The following SLC9A9 variants were observed in gnomAD, a reference collection of about 807,000 sequenced individuals.
SLC9A9 encodes solute carrier family 9 member A9, also known as sodium/hydrogen exchanger 9.
In SLC9A9, 62 loss-of-function variants were observed where a neutral mutation model predicts 77.8. The ratio of observed to expected loss-of-function variants is 0.80; its 90% CI spans 0.65 to 0.98. The LOEUF (loss-of-function observed/expected upper bound fraction) is 0.98. Among genes scored for constraint, SLC9A9 ranks in the 50% least tolerant of loss-of-function variants. The pLI is 0.00. For missense variants in SLC9A9, 775 were observed against 774.9 expected (o/e 1.00, Z 0.00); for synonymous variants, 320 against 283.5 (o/e 1.13, Z -1.29).
At chr3:143,417,924 A>G (rs192100056) in intron 12 of SLC9A9, among the ~76,000 whole-genome samples, 27 of 152,058 alleles carry the variant, frequency 1.8e-4, no homozygotes, top group Admixed American at 4.6e-4. Flanking sequence ...TCCAGTTCAA[A>G]GAGCCTCATT....
intron 12 of SLC9A9, among the ~76,000 whole-genome samples, chr3:143,407,516 C>T (rs137994191): frequency 3.3e-5 from 5 of 152,240 alleles, no homozygotes; most frequent in East Asian, 3.9e-4. Context: ...TAATATCCCA[C>T]GTTTTTAAAA....
chr3:143,298,478 G>A (rs2030376675), intron 14 of SLC9A9, among the ~76,000 whole-genome samples: 1 of 152,204 alleles, frequency 6.6e-6, no homozygotes, highest in African/African-American at 2.4e-5. Context: ...TCCCAAGTCT[G>A]AGGTGTGGCA....
At chr3:143,716,528 G>T (rs1934357728) in intron 4 of SLC9A9, among the ~76,000 whole-genome samples, 1 of 152,118 alleles carries the variant, frequency 6.6e-6, no homozygotes, top group South Asian at 2.1e-4. Context: ...GCCAACATTG[G>T]TCAGGGAGAT....
chr3:143,519,784 A>AT (rs1287799577), intron 9 of SLC9A9, among the ~76,000 whole-genome samples: 4 of 152,132 alleles, frequency 2.6e-5, no homozygotes, highest in African/African-American at 9.7e-5. Context: ...AGGTGAGAGG[A>AT]TTTTTTGAAG....
Position 143,334,101 on chromosome 3 carries a change from C to T in SLC9A9, c.1604+29383G>A, listed in dbSNP as rs78058117. ...TCTCTGGGTAAAACATTTGTATATG[C>T]CAATCAATTGGAATTCTTGTTGTTT... On this transcript the variant is annotated intron_variant, in intron 14 of 15. Coordinates refer to ENST00000316549, the MANE Select transcript of SLC9A9 (RefSeq NM_173653.4). 1.1e-3 allele frequency among the ~76,000 whole-genome samples: 174 copies of T among 152,264 alleles called. 1 individual carries two copies. Among genetic ancestry groups the T allele is most frequent in the African/African-American group, 4.2e-3 (173 of 41,552 alleles).
At chr3:143,327,426 T>G (rs1489781830) in intron 14 of SLC9A9, among the ~76,000 whole-genome samples, 1 of 152,200 alleles carries the variant, frequency 6.6e-6, no homozygotes, top group Admixed American at 6.5e-5. Context: ...ACATACCATA[T>G]GGAACAATAT....
At chr3:143,548,176 A>G (rs999499823) in intron 9 of SLC9A9, among the ~76,000 whole-genome samples, 8 of 152,214 alleles carry the variant, frequency 5.3e-5, no homozygotes, top group African/African-American at 1.9e-4. Context: ...GAGAAATTCT[A>G]ACTAAAAGGG....
intron 5 of SLC9A9, among the ~76,000 whole-genome samples, chr3:143,670,577 A>G (rs376187808): frequency 7.0e-4 from 107 of 152,316 alleles, no homozygotes; most frequent in African/African-American, 2.4e-3. Flanking sequence ...CTGGAGAGAA[A>G]CATGGCTCAT....
At chr3:143,269,798 G>A (rs73161646) in intron 14 of SLC9A9, among the ~76,000 whole-genome samples, 13,787 of 152,228 alleles carry the variant, frequency 0.091, 892 homozygotes, top group East Asian at 0.27. Flanking sequence ...TTTCCAAAAA[G>A]CTATAGTAAA....
intron 6 of SLC9A9, among the ~76,000 whole-genome samples, chr3:143,579,621 T>C (rs897558301): frequency 1.3e-5 from 2 of 152,094 alleles, no homozygotes; most frequent in Admixed American, 1.3e-4. Flanking sequence ...TTTTTTGCAG[T>C]TTTTTATTTT....
At chr3:143,542,356 G>A (rs887663166) in intron 9 of SLC9A9, among the ~76,000 whole-genome samples, 1 of 152,070 alleles carries the variant, frequency 6.6e-6, no homozygotes, top group East Asian at 1.9e-4. Flanking sequence ...TGTAATTAGA[G>A]TAATAAAAAA....
In SLC9A9 at chr3:143,725,691, A is replaced by T. The variant is rs536109430; in HGVS notation, c.534-32384T>A. ...CATAGATGGGAATTGAACAATGAGAACACATGGACACAGGAAGGGGAACGT... is the reference window on the plus strand; with the variant it reads ...CATAGATGGGAATTGAACAATGAGATCACATGGACACAGGAAGGGGAACGT... On this transcript the variant is annotated intron_variant, in intron 4 of 15. Transcript: ENST00000316549. 3.2e-3 allele frequency among the ~76,000 whole-genome samples: 430 copies of T among 132,836 alleles called. 1 individual carries two copies. The highest frequency in any genetic ancestry group is 5.3e-3 in the Non-Finnish European group (335 of 63,082). 87.1% of individuals were successfully genotyped at this position (132,836 alleles called of 152,430 possible).
In SLC9A9 at chr3:143,609,927, A is replaced by G. The variant is rs75242721; in HGVS notation, c.756-31204T>C. Among the ~76,000 whole-genome samples, 47 of 152,106 alleles carry G rather than the reference A, an allele frequency of 3.1e-4. 1 individual carries two copies. The East Asian group carries it at 9.1e-3, about 29-fold the overall frequency. ...ATGTTACAATGAATATTTTTGAATA[A>G]CTCATCTTTTCCCTACAGATATGAA... is the stretch of plus-strand genomic sequence containing the variant. On this transcript the variant is annotated intron_variant, in intron 6 of 15. Transcript: ENST00000316549.
At chr3:143,282,593 C>T (rs578137500) in intron 14 of SLC9A9, among the ~76,000 whole-genome samples, 40 of 152,260 alleles carry the variant, frequency 2.6e-4, no homozygotes, top group African/African-American at 9.4e-4. Context: ...TCTAGAGAAG[C>T]CTCTCAGAGC....
At chr3:143,695,828 T>G (rs1318906149) in intron 4 of SLC9A9, among the ~76,000 whole-genome samples, 1 of 152,216 alleles carries the variant, frequency 6.6e-6, no homozygotes, top group Non-Finnish European at 1.5e-5. Flanking sequence ...GTTTCCTGAC[T>G]TTTTAATGAT....
chr3:143,436,184 T>C (rs905142), intron 12 of SLC9A9, among the ~76,000 whole-genome samples: 105,150 of 151,966 alleles, frequency 0.69, 36,953 homozygotes, highest in African/African-American at 0.82. Context: ...GAAGTGGGCT[T>C]GAACCTCCAC....
At chr3:143,354,623 A>T (rs62276800) in intron 14 of SLC9A9, among the ~76,000 whole-genome samples, 3 of 152,254 alleles carry the variant, frequency 2.0e-5, no homozygotes, top group Non-Finnish European at 4.4e-5. Context: ...GGCTCCTACA[A>T]TTGAAAAGGA....
At chr3:143,433,305 A>G (rs79072799) in intron 12 of SLC9A9, among the ~76,000 whole-genome samples, 1,583 of 152,226 alleles carry the variant, frequency 0.01, 22 homozygotes, top group African/African-American at 0.036. Context: ...TTTGGGGGGA[A>G]TTTATCCCAC....
intron 5 of SLC9A9, among the ~76,000 whole-genome samples, chr3:143,679,578 T>C (rs1933014502): frequency 6.6e-6 from 1 of 152,128 alleles, no homozygotes. Context: ...CAGCTGTAAC[T>C]AGCAAAAAAT....
Sources: gnomAD v4.1 joint callset for allele counts (sites outside exome capture counted in the v4.1 genomes callset) on GRCh38, gnomAD v4.1.1 for gene constraint, MANE v1.5 for transcripts, NCBI Gene and HGNC (gene_info 2026-07-23, HGNC 2026-07-21) for gene names.